RALGPS1: variants seen among roughly 807,000 people sequenced by gnomAD.
RALGPS1 encodes Ral GEF with PH domain and SH3 binding motif 1, also known as ras-specific guanine nucleotide-releasing factor RalGPS1.
In RALGPS1, 19 loss-of-function variants were observed where a neutral mutation model predicts 78.8. That is an observed-to-expected ratio of 0.24 (90% CI 0.17 to 0.35). RALGPS1 has a LOEUF of 0.35. Among genes scored for constraint, RALGPS1 ranks in the 10% least tolerant of loss-of-function variants. The probability of loss-of-function intolerance (pLI) is 1.00; values close to 1 mark genes in which losing one functional copy is unlikely to be tolerated. For missense variants in RALGPS1, 454 were observed against 688.3 expected (o/e 0.66, Z 3.81); for synonymous variants, 228 against 256.3 (o/e 0.89, Z 1.06).
At chr9:127,123,035 C>T (rs1055260346) in intron 8 of RALGPS1, among the ~76,000 whole-genome samples, 2 of 152,248 alleles carry the variant, frequency 1.3e-5, no homozygotes, top group Non-Finnish European at 2.9e-5. Flanking sequence ...CGTGCAGCCG[C>T]GTGCGAGCAG....
At chr9:126,974,971 C>G (rs2040464977) in intron 3 of RALGPS1, among the ~76,000 whole-genome samples, 1 of 152,154 alleles carries the variant, frequency 6.6e-6, no homozygotes. Flanking sequence ...CTTCCCACCC[C>G]CCTTTTTGGT....
chr9:127,053,139 G>A (rs1212852065), intron 7 of RALGPS1, among the ~76,000 whole-genome samples, 200 bp downstream of exon 7: 1 of 152,222 alleles, frequency 6.6e-6, no homozygotes, highest in Non-Finnish European at 1.5e-5. Context: ...TGGTGAAGGT[G>A]CTGACGTGGC....
intron 5 of RALGPS1, among the ~76,000 whole-genome samples, chr9:127,044,324 T>A (rs1044174195): frequency 6.6e-6 from 1 of 152,088 alleles, no homozygotes; most frequent in African/African-American, 2.4e-5. Flanking sequence ...TGGCGTGATC[T>A]CAGCTCACTG....
At chr9:126,950,171 A>G (rs2037678224) in intron 1 of RALGPS1, among the ~76,000 whole-genome samples, 1 of 152,134 alleles carries the variant, frequency 6.6e-6, no homozygotes, top group Non-Finnish European at 1.5e-5. Flanking sequence ...CCATTGATCT[A>G]TATCTCTGTT....
chr9:127,142,268 T>C (rs2057832223), intron 8 of RALGPS1, among the ~76,000 whole-genome samples: 1 of 152,124 alleles, frequency 6.6e-6, no homozygotes, highest in South Asian at 2.1e-4. Context: ...TGGTCTCAGG[T>C]TGCAACAGTA....
rs2056818008 is a variant in RALGPS1 at position 127,128,917 on chromosome 9, T to C, written c.611-37152T>C. 2.0e-5 allele frequency among the ~76,000 whole-genome samples: 3 copies of C among 152,324 alleles called. No homozygotes were observed. The South Asian group carries it at 6.2e-4, about 32-fold the overall frequency. ...AGTATATCCAAAAGTCATAACAGGA[T>C]GCATGCTTGGGTACAAAGCAGCTTT... is the stretch of plus-strand genomic sequence containing the variant. On this transcript the variant is annotated intron_variant, in intron 8 of 18. Coordinates refer to ENST00000259351, the MANE Select transcript of RALGPS1 (RefSeq NM_014636.3).
At chr9:127,074,174 G>A (rs962932596) in intron 8 of RALGPS1, among the ~76,000 whole-genome samples, 10 of 152,180 alleles carry the variant, frequency 6.6e-5, no homozygotes, top group African/African-American at 2.4e-4. Flanking sequence ...GAGCCATGGT[G>A]CCTGGCCGAG....
chr9:127,003,822 G>C (rs2043578180), intron 4 of RALGPS1, among the ~76,000 whole-genome samples: 1 of 152,090 alleles, frequency 6.6e-6, no homozygotes, highest in South Asian at 2.1e-4. Flanking sequence ...CATCACCTAG[G>C]TAAAAAGTGA....
intron 8 of RALGPS1, among the ~76,000 whole-genome samples, chr9:127,120,071 G>A (rs1451078836): frequency 2.0e-5 from 3 of 152,256 alleles, no homozygotes; most frequent in Non-Finnish European, 4.4e-5. Context: ...GTTGTCTGGT[G>A]TAAGATCCAC....
intron 11 of RALGPS1, among the ~76,000 whole-genome samples, chr9:127,187,849 G>A (rs529618509): frequency 2.0e-5 from 3 of 152,200 alleles, no homozygotes; most frequent in South Asian, 4.2e-4. Flanking sequence ...CCTTTGGAAC[G>A]GAGCCTGCCT....
At chr9:127,195,274 G>A (rs2061294658) in intron 12 of RALGPS1, 57 bp downstream of exon 12, 2 of 1,590,208 alleles carry the variant, frequency 1.3e-6, no homozygotes, top group African/African-American at 2.7e-5. Context: ...ACATGGGCCT[G>A]GGCACAGTGC....
intron 8 of RALGPS1, among the ~76,000 whole-genome samples, chr9:127,126,178 CT>C (rs2056605186): frequency 6.8e-6 from 1 of 148,122 alleles, no homozygotes; most frequent in Admixed American, 6.7e-5. Context: ...ACCTTCAGTA[CT>C]TTTTAAATGT....
At chr9:127,177,801 T>C in intron 11 of RALGPS1, 1 of 1,539,780 alleles carries the variant, frequency 6.5e-7, no homozygotes, top group Non-Finnish European at 8.8e-7. Flanking sequence ...GGAAGTCAGC[T>C]GGGCAGCTAG....
chr9:127,050,828 C>T (rs1235117300), intron 6 of RALGPS1, among the ~76,000 whole-genome samples: 4 of 152,216 alleles, frequency 2.6e-5, no homozygotes, highest in Admixed American at 1.3e-4. Flanking sequence ...CTGGCTGTTT[C>T]GCTGCTTGCT....
chr9:126,976,195 C>G (rs1455429746), intron 3 of RALGPS1, among the ~76,000 whole-genome samples: 1 of 152,004 alleles, frequency 6.6e-6, no homozygotes, highest in African/African-American at 2.4e-5. Context: ...ATTAATGGTC[C>G]CTTATTTGCT....
chr9:127,208,850 G>T (rs962435048), intron 14 of RALGPS1, among the ~76,000 whole-genome samples: 1 of 152,212 alleles, frequency 6.6e-6, no homozygotes, highest in Admixed American at 6.5e-5. Context: ...ACTGTCTCAC[G>T]CAAAGGGAGA....
intron 4 of RALGPS1, among the ~76,000 whole-genome samples, chr9:127,003,182 CA>C (rs1444669839): frequency 2.0e-5 from 3 of 152,110 alleles, no homozygotes; most frequent in Non-Finnish European, 4.4e-5. Context: ...GCAATGGCAA[CA>C]AAAGCCAAAA....
At chr9:127,007,061 G>A (rs919650541) in intron 4 of RALGPS1, among the ~76,000 whole-genome samples, 1 of 152,090 alleles carries the variant, frequency 6.6e-6, no homozygotes, top group Non-Finnish European at 1.5e-5. Flanking sequence ...CATTTTACTG[G>A]GGAGGGAGCT....
At chr9:126,979,604 A>G (rs985941842) in intron 4 of RALGPS1, among the ~76,000 whole-genome samples, 2 of 152,176 alleles carry the variant, frequency 1.3e-5, no homozygotes, top group Admixed American at 6.5e-5. Flanking sequence ...TGTGCCCAGG[A>G]GACTGGGATC....
Sources: gnomAD v4.1 joint callset for allele counts (sites outside exome capture counted in the v4.1 genomes callset) on GRCh38, gnomAD v4.1.1 for gene constraint, MANE v1.5 for transcripts, NCBI Gene and HGNC (gene_info 2026-07-23, HGNC 2026-07-21) for gene names.